ODAD3: variants seen among roughly 807,000 people sequenced by gnomAD.
The protein encoded by ODAD3 is outer dynein arm docking complex subunit 3.
Under a neutral mutation model 70.9 loss-of-function variants are expected in ODAD3, and 57 were observed. The observed-to-expected ratio is 0.80, with a 90% CI of 0.65 to 1.00. The LOEUF (loss-of-function observed/expected upper bound fraction) is 1.00, where lower values mean the gene tolerates loss of function less well. Among genes scored for constraint, ODAD3 ranks in the 50% least tolerant of loss-of-function variants. The pLI is 0.00. For missense variants in ODAD3, 797 were observed against 763.9 expected, an observed-to-expected ratio of 1.04 and a Z score of -0.51; for synonymous variants, 327 against 315.9, an observed-to-expected ratio of 1.04 and a Z score of -0.37.
At chr19:11,434,300 C>T (rs113346450) in intron 1 of ODAD3, among the ~76,000 whole-genome samples, 212 of 151,450 alleles carry the variant, frequency 1.4e-3, no homozygotes, top group African/African-American at 4.8e-3. Flanking sequence ...GGCGGGCTCA[C>T]GCCTGTAATC....
rs1969368845 is a variant in ODAD3 at position 11,426,187 on chromosome 19, C to T, written c.920G>A (p.Arg307His). 1.2e-5 allele frequency: 20 copies of T among 1,613,444 alleles called. No individual in the cohort carries two copies. Among genetic ancestry groups the T allele is most frequent in the Non-Finnish European group, 1.7e-5 (20 of 1,179,826 alleles). The change falls in exon 7 of 13, where the codon CGC (arginine) becomes CAC (histidine). Residue 307 changes from arginine to histidine, a missense_variant. By Grantham distance (29) the Arg-to-His change is conservative. Coordinates refer to ENST00000356392, the MANE Select transcript of ODAD3 (RefSeq NM_145045.5). ...GTTCTCCAGTTTCTTCTCCTCGGCG[C>T]GCTTCTTGCACTCACTTATGTAGCG... Reference protein sequence around the residue: ...RERYISECKKRAEEKKLENER... With the variant: ...RERYISECKKHAEEKKLENER...
At chr19:11,427,568 A>G (rs1969411568) in intron 3 of ODAD3, among the ~76,000 whole-genome samples, 2 of 143,586 alleles carry the variant, frequency 1.4e-5, no homozygotes, top group Admixed American at 1.4e-4. Flanking sequence ...TGCAACTTCC[A>G]TCTCCTAGGT....
chr19:11,427,074 C>A, intron 3 of ODAD3, 34 bp from the exon 4 acceptor site: 1 of 1,529,180 alleles, frequency 6.5e-7, no homozygotes. Context: ...GCAGGAGCCT[C>A]AACACCCTAC....
Position 11,422,383 on chromosome 19 carries a change from C to A in ODAD3, c.1434+88G>T. On this transcript the variant is annotated intron_variant, in intron 10 of 12. Coordinates refer to ENST00000356392, the MANE Select transcript of ODAD3 (RefSeq NM_145045.5). This position sits in a 1 kb window ranked among gnomAD's most constrained non-coding sequence, Gnocchi z 4.6. ...ATGTGGCAGGCCACGTTCCCTCGGG[C>A]AAGCTGGTGTGGCAGGAACCCCGCT... is the stretch of plus-strand genomic sequence containing the variant. 7.0e-7 allele frequency: 1 copy of A among 1,428,998 alleles called. No homozygotes were observed. Among genetic ancestry groups the A allele is most frequent in the South Asian group, 1.5e-5 (1 of 68,900 alleles). 88.5% of individuals were successfully genotyped at this position (1,428,998 alleles called of 1,614,324 possible). A position where few individuals can be genotyped will look rare whatever the true frequency, so the allele number is the denominator to read the frequency against.
At position 11,429,909 on chromosome 19, in the gene ODAD3, C is replaced by T. The variant is rs140231067; in HGVS notation, c.444+790G>A. Among the ~76,000 whole-genome samples the T allele has an allele frequency of 6.5e-3, 976 of 149,254 alleles. 13 individuals are homozygous for T. The highest frequency in any genetic ancestry group is 0.023 in the African/African-American group (923 of 40,470). ...CTGGAGTGCAGTGGTGCAATTGTGG[C>T]TCATTATAGTCTCAAACTTCTAGGC... On this transcript the variant is annotated intron_variant, in intron 3 of 12. Transcript: ENST00000356392.
intron 1 of ODAD3, among the ~76,000 whole-genome samples, chr19:11,434,227 A>AC (rs1181999581): frequency 1.9e-5 from 2 of 104,798 alleles, no homozygotes; most frequent in African/African-American, 8.2e-5. Context: ...AACAAAAAAC[A>AC]AAACAAAAAA....
rs1255934309 is a variant in ODAD3, at chr19:11,425,063, GTATATA to G, written c.964-1040_964-1035del. 3.3e-5 allele frequency among the ~76,000 whole-genome samples: 4 copies of G among 123,032 alleles called. No homozygotes were observed. In the South Asian group the frequency reaches 7.3e-4, roughly 22 times the overall value. 80.7% of individuals were successfully genotyped at this position (123,032 alleles called of 152,430 possible). The stretch of plus-strand genomic sequence containing the variant: ...CATATGTGTATATATGTGTATATGT[GTATATA>G]TGTATATGTGTATATGTACATATGT... On this transcript the variant is annotated intron_variant, in intron 7 of 12. Coordinates refer to ENST00000356392, the MANE Select transcript of ODAD3 (RefSeq NM_145045.5).
chr19:11,430,413 C>T, intron 3 of ODAD3: 1 of 442,174 alleles, frequency 2.3e-6, no homozygotes, highest in Non-Finnish European at 4.1e-6. Flanking sequence ...GCTGTGATTA[C>T]AGACGTGGGC....
intron 7 of ODAD3, among the ~76,000 whole-genome samples, chr19:11,425,502 T>C (rs1352672204): frequency 2.8e-5 from 4 of 142,890 alleles, no homozygotes; most frequent in African/African-American, 1.0e-4. Flanking sequence ...TATATATGTA[T>C]ATATGTGTGT....
intron 3 of ODAD3, among the ~76,000 whole-genome samples, chr19:11,427,414 C>A (rs972678038): frequency 6.6e-6 from 1 of 151,634 alleles, no homozygotes; most frequent in Admixed American, 6.6e-5. Flanking sequence ...CCTGCCTCAA[C>A]CTCCCGAGTA....
At chr19:11,432,112 A>AAAAAC (rs928967668) in intron 1 of ODAD3, among the ~76,000 whole-genome samples, 7 of 152,162 alleles carry the variant, frequency 4.6e-5, no homozygotes, top group Non-Finnish European at 7.3e-5. Flanking sequence ...CTCTGTCTCA[A>AAAAAC]AAAACAAAAC....
chr19:11,426,664 G>C lies in ODAD3; in HGVS notation c.714+19C>G. The stretch of plus-strand genomic sequence containing the variant: ...GCCCTCCCTGTTTGTCATCTCACCC[G>C]AGCCCTCCTAGTCCCTACCATTAGA... On this transcript the variant is annotated intron_variant, in intron 5 of 12. Coordinates refer to ENST00000356392, the MANE Select transcript of ODAD3 (RefSeq NM_145045.5). The C allele has an allele frequency of 6.2e-7, 1 of 1,613,608 alleles. No individual in the cohort carries two copies.
intron 7 of ODAD3, among the ~76,000 whole-genome samples, chr19:11,425,461 G>GTGTATATATGTATATATGTGTGTGTATA: frequency 9.3e-6 from 1 of 107,254 alleles, no homozygotes. Flanking sequence ...ATATATGTGT[G>GTGTATATATGTATATATGTGTGTGTATA]TGTATATATG....
chr19:11,435,696 T>C (rs992982896), upstream of ODAD3: 8 of 1,313,158 alleles, frequency 6.1e-6, no homozygotes, highest in East Asian at 5.1e-5. Flanking sequence ...TGACCTTTGC[T>C]CCGGCCTCGT....
rs368922584 is a variant in ODAD3 at position 11,422,789 on chromosome 19, G to C, written c.1189C>G (p.Gln397Glu). 4 of 1,610,488 alleles carry C rather than the reference G, an allele frequency of 2.5e-6. No individual in the cohort carries two copies. Among genetic ancestry groups the C allele is most frequent in the South Asian group, 2.2e-5 (2 of 91,094 alleles). The change falls in exon 9 of 13, where the codon CAG becomes GAG. Residue 397 changes from glutamine to glutamate, a missense_variant. Transcript: ENST00000356392. The surrounding 1 kb of genome is among the most constrained non-coding windows in gnomAD (Gnocchi z 4.6). ...QLETLKSENE[Q>E]TLVRLKQEKQ... ...TCCTGCTTCAGCCTCACCAACGTCT[G>C]CTCGTTCTCGCTCTTGAGCGTCTCC...
Position 11,422,814 on chromosome 19 carries a change from C to T in ODAD3, c.1164G>A (p.Leu388=), listed in dbSNP as rs746487206. The T allele has an allele frequency of 1.2e-5, 19 of 1,608,488 alleles. No individual in the cohort carries two copies. The highest frequency in any genetic ancestry group is 1.6e-5 in the Non-Finnish European group (19 of 1,179,910). ...FLAQGDTFAQ[L]ETLKSENEQT... is the part of the protein sequence containing the mutation. ...GCTCGTTCTCGCTCTTGAGCGTCTC[C>T]AACTGCGCGAAGGTGTCGCCCTGGG... Residue 388 remains leucine, a synonymous_variant, in exon 9 of 13, where the codon TTG becomes TTA. Transcript: ENST00000356392. The surrounding 1 kb of genome is among the most constrained non-coding windows in gnomAD (Gnocchi z 4.6).
At chr19:11,435,376 T>G, upstream of ODAD3, 1 of 447,760 alleles carries the variant, frequency 2.2e-6, no homozygotes, top group Non-Finnish European at 3.9e-6. Flanking sequence ...ATCCCGCCCC[T>G]GGGGGTTCGC....
At position 11,430,649 on chromosome 19, in the gene ODAD3, G is replaced by A. The variant is rs761574096; in HGVS notation, c.444+50C>T. The A allele has an allele frequency of 1.4e-5, 22 of 1,576,364 alleles. 1 individual carries two copies. In the South Asian group the frequency reaches 1.9e-4, roughly 13 times the overall value. On this transcript the variant is annotated intron_variant, in intron 3 of 12. Coordinates refer to ENST00000356392, the MANE Select transcript of ODAD3 (RefSeq NM_145045.5). ...GGGTGAGCCTGGAGTCCAGTGGTGAGGGGACCCAGGCTGGAAATGAAGGAG... is the reference window on the plus strand; with the variant it reads ...GGGTGAGCCTGGAGTCCAGTGGTGAAGGGACCCAGGCTGGAAATGAAGGAG...
intron 10 of ODAD3, 113 bp from the exon 11 acceptor site, chr19:11,421,945 T>C (rs1969146015): frequency 8.3e-7 from 1 of 1,208,720 alleles, no homozygotes; most frequent in Admixed American, 2.5e-5. Flanking sequence ...AGGGCCCACC[T>C]GCAGGGTCGA....
Sources: allele counts gnomAD v4.1 joint callset (sites outside exome capture counted in the v4.1 genomes callset), GRCh38; gene constraint gnomAD v4.1.1; non-coding constraint Gnocchi (gnomAD v3.1); transcripts MANE v1.5; gene names NCBI Gene and HGNC (gene_info 2026-07-23, HGNC 2026-07-21).